The following GDPD4 variants were observed in gnomAD, a reference collection of about 807,000 sequenced individuals.
The protein encoded by GDPD4 is glycerophosphodiester phosphodiesterase 6.
Under a neutral mutation model 67.8 loss-of-function variants are expected in GDPD4, and 60 were observed. That is an observed-to-expected ratio of 0.88 (90% CI 0.72 to 1.10). The LOEUF (loss-of-function observed/expected upper bound fraction) is 1.10. Among genes scored for constraint, GDPD4 ranks in the 50% least tolerant of loss-of-function variants. The pLI, the probability that GDPD4 is intolerant of heterozygous loss-of-function variation, is 0.00. For missense variants in GDPD4, 623 were observed against 613.9 expected (o/e 1.01, Z -0.16); for synonymous variants, 212 against 210.9 (o/e 1.00, Z -0.04).
chr11:77,233,666 C>G (rs1407439695), intron 13 of GDPD4, among the ~76,000 whole-genome samples: 1 of 152,122 alleles, frequency 6.6e-6, no homozygotes, highest in Non-Finnish European at 1.5e-5. Context: ...TCTATCAGAG[C>G]ACTTATCACC....
At chr11:77,265,645 G>A (rs112737482) in intron 10 of GDPD4, among the ~76,000 whole-genome samples, 1,908 of 152,050 alleles carry the variant, frequency 0.013, 21 homozygotes, top group Non-Finnish European at 0.014. Flanking sequence ...GATTTCATTC[G>A]TTTTACATGA....
chr11:77,296,067 C>T (rs1436241976), intron 1 of GDPD4, among the ~76,000 whole-genome samples: 2 of 151,676 alleles, frequency 1.3e-5, no homozygotes, highest in Non-Finnish European at 2.9e-5. Flanking sequence ...CCGACTAACA[C>T]GGTGAAACCC....
At chr11:77,269,992 T>C (rs1959200403) in intron 7 of GDPD4, 32 bp from the exon 8 acceptor site, 1 of 1,125,924 alleles carries the variant, frequency 8.9e-7, no homozygotes, top group Non-Finnish European at 1.3e-6. Context: ...AGAAAAGAGT[T>C]CATTATTGTC....
chr11:77,231,529 T>C (rs1958454237), intron 14 of GDPD4, among the ~76,000 whole-genome samples: 1 of 152,192 alleles, frequency 6.6e-6, no homozygotes, highest in South Asian at 2.1e-4. Flanking sequence ...CCTTTAAAAA[T>C]GCCTAGACTA....
chr11:77,271,283 G>A lies in GDPD4; in HGVS notation c.306+12C>T. 6.2e-7 allele frequency: 1 copy of A among 1,609,430 alleles called. No individual in the cohort carries two copies. Among genetic ancestry groups the A allele is most frequent in the Admixed American group, 1.7e-5 (1 of 60,016 alleles). On this transcript the variant is annotated intron_variant, in intron 6 of 16. Coordinates refer to ENST00000315938, the MANE Select transcript of GDPD4 (RefSeq NM_182833.3). ...TAGACAGCTAGTGCTGGAGCTATAG[G>A]ATGATGCTTACCTGCATTGACAGCC... is the stretch of plus-strand genomic sequence containing the variant.
At position 77,216,894 on chromosome 11, in the gene GDPD4, AT is replaced by A. The variant is rs1174601055; in HGVS notation, c.*382del. The A allele has an allele frequency of 1.5e-6, 1 of 687,146 alleles. No individual in the cohort carries two copies. The highest frequency in any genetic ancestry group is 2.6e-6 in the Non-Finnish European group (1 of 377,606). 42.6% of individuals were successfully genotyped at this position (687,146 alleles called of 1,614,324 possible). A position where few individuals can be genotyped will look rare whatever the true frequency, so the allele number is the denominator to read the frequency against. The stretch of plus-strand genomic sequence containing the variant: ...ATGGAATATATTGTGACATAGGATT[AT>A]TTGGAGTATTCAGCCATGGGGATCT... On this transcript the variant is annotated 3_prime_UTR_variant, in exon 17 of 17. Coordinates refer to ENST00000315938, the MANE Select transcript of GDPD4 (RefSeq NM_182833.3).
At chr11:77,217,356 T>C (rs199958262) in intron 16 of GDPD4, 42 bp from the exon 17 acceptor site, 11 of 1,463,114 alleles carry the variant, frequency 7.5e-6, no homozygotes, top group Non-Finnish European at 8.6e-6. Flanking sequence ...ATGTCACTTC[T>C]CCACTCTCTG....
rs1053492041 is a variant in GDPD4, at chr11:77,245,342, C to G, written c.1025G>C (p.Arg342Thr). The G allele has an allele frequency of 1.2e-6, 2 of 1,614,126 alleles. No homozygotes were observed. Among genetic ancestry groups the G allele is most frequent in the South Asian group, 1.1e-5 (1 of 91,072 alleles). ...LHRPPPKHPL[R>T]HTFVRQVVSV... ...TACTACTTGGCGGACAAATGTGTGT[C>G]TGAGAGGATGTTTTGGTGGAGGGCG... Residue 342 changes from arginine to threonine, a missense_variant, in exon 12 of 17, where the codon AGA becomes ACA. Transcript: ENST00000315938.
chr11:77,291,656 T>TA (rs1937780142), intron 1 of GDPD4, among the ~76,000 whole-genome samples: 1 of 152,252 alleles, frequency 6.6e-6, no homozygotes, highest in South Asian at 2.1e-4. Context: ...TATGTACTGA[T>TA]AAAAATTTTT....
At chr11:77,260,941 T>C (rs904109291) in intron 10 of GDPD4, among the ~76,000 whole-genome samples, 1 of 152,176 alleles carries the variant, frequency 6.6e-6, no homozygotes, top group East Asian at 1.9e-4. Context: ...ATTATATATA[T>C]GTAAATGGAG....
intron 3 of GDPD4, among the ~76,000 whole-genome samples, chr11:77,280,757 T>G (rs936557167): frequency 1.3e-5 from 2 of 152,206 alleles, no homozygotes; most frequent in African/African-American, 4.8e-5. Context: ...AGAACTGTGA[T>G]TTGGCTTTTT....
chr11:77,248,315 G>A (rs922229964), intron 11 of GDPD4, among the ~76,000 whole-genome samples: 13 of 150,090 alleles, frequency 8.7e-5, no homozygotes, highest in Non-Finnish European at 1.6e-4. Context: ...TGATTCTCCT[G>A]TCTCAGCCTC....
chr11:77,229,434 G>A (rs1958412243), intron 14 of GDPD4, among the ~76,000 whole-genome samples: 1 of 152,180 alleles, frequency 6.6e-6, no homozygotes. Context: ...ATACATGCAG[G>A]GGGCTCTAGA....
chr11:77,277,449 G>C (rs1316744543), intron 4 of GDPD4, among the ~76,000 whole-genome samples: 3 of 119,086 alleles, frequency 2.5e-5, no homozygotes. Flanking sequence ...CGTCCAGGCT[G>C]GAGTGCAGTG....
chr11:77,222,752 T>G (rs1184042473), intron 16 of GDPD4, among the ~76,000 whole-genome samples: 2 of 152,152 alleles, frequency 1.3e-5, no homozygotes, highest in Non-Finnish European at 2.9e-5. Flanking sequence ...GTGGTCTCTG[T>G]ATTTCCTGAA....
At chr11:77,248,086 A>G (rs1460707769) in intron 11 of GDPD4, among the ~76,000 whole-genome samples, 1 of 151,520 alleles carries the variant, frequency 6.6e-6, no homozygotes, top group Non-Finnish European at 1.5e-5. Context: ...AGAAAGAAAG[A>G]AATAGAAGGA....
chr11:77,216,635 A>G lies in GDPD4; in HGVS notation c.*642T>C, dbSNP rs1958125670. ...TATTATGGAGGTGTTAGGATGAGAT[A>G]AACCTGACAGCAACCAGTTCCAAGA... On this transcript the variant is annotated 3_prime_UTR_variant, in exon 17 of 17. Transcript: ENST00000315938. 4.7e-6 allele frequency: 2 copies of G among 428,704 alleles called. No individual in the cohort carries two copies. The highest frequency in any genetic ancestry group is 4.5e-5 in the East Asian group (1 of 22,458). 26.6% of individuals were successfully genotyped at this position (428,704 alleles called of 1,614,324 possible).
At chr11:77,257,905 C>A (rs1959036044) in intron 11 of GDPD4, among the ~76,000 whole-genome samples, 1 of 152,162 alleles carries the variant, frequency 6.6e-6, no homozygotes, top group Non-Finnish European at 1.5e-5. Flanking sequence ...GCTCTTATCA[C>A]AATGTACAGT....
At chr11:77,235,481 C>G (rs1958544786) in intron 13 of GDPD4, among the ~76,000 whole-genome samples, 1 of 152,098 alleles carries the variant, frequency 6.6e-6, no homozygotes, top group Non-Finnish European at 1.5e-5. Flanking sequence ...GATATGGACA[C>G]ATAAATCAGT....
Sources: gnomAD v4.1 joint callset for allele counts (sites outside exome capture counted in the v4.1 genomes callset) on GRCh38, gnomAD v4.1.1 for gene constraint, MANE v1.5 for transcripts, NCBI Gene and HGNC (gene_info 2026-07-23, HGNC 2026-07-21) for gene names.